Variants in NPAT observed in about 807,000 individuals in gnomAD.
The protein encoded by NPAT is protein NPAT.
In NPAT, 52 loss-of-function variants were observed where a neutral mutation model predicts 130.7. The ratio of observed to expected loss-of-function variants is 0.40; its 90% CI spans 0.32 to 0.50. The LOEUF is 0.50. Ranked by LOEUF, NPAT falls within the 20% of genes least tolerant of loss-of-function variation. NPAT has a pLI of 0.68. For synonymous variants in NPAT, 580 were observed against 584.8 expected, an observed-to-expected ratio of 0.99 and a Z score of 0.12; for missense variants, 1,687 against 1,662.6, an observed-to-expected ratio of 1.01 and a Z score of -0.26.
chr11:108,205,849 C>A (rs1184717425), intron 1 of NPAT, among the ~76,000 whole-genome samples: 1 of 152,032 alleles, frequency 6.6e-6, no homozygotes, highest in Admixed American at 6.6e-5. Flanking sequence ...TTGAGACCAA[C>A]CTGGCCAACA....
chr11:108,219,190 G>C (rs957073762), intron 1 of NPAT, among the ~76,000 whole-genome samples: 1 of 152,166 alleles, frequency 6.6e-6, no homozygotes, highest in Non-Finnish European at 1.5e-5. Context: ...TGGGAGGCTG[G>C]AGGGCAGGAG....
Position 108,161,886 on chromosome 11 carries a change from T to C in NPAT, c.3200A>G (p.Asp1067Gly), listed in dbSNP as rs779134624. The C allele has an allele frequency of 2.5e-6, 4 of 1,614,068 alleles. No individual in the cohort carries two copies. The highest frequency in any genetic ancestry group is 2.2e-5 in the South Asian group (2 of 91,070). Residue 1067 changes from aspartate (D) to glycine (G), a missense_variant, in exon 17 of 18, where the codon GAC becomes GGC. Coordinates refer to ENST00000278612, the MANE Select transcript of NPAT (RefSeq NM_002519.3). ...KPCHRRVLCF[D>G]STTAPVANTQ... ...ATTTGCCACAGGAGCAGTAGTGCTG[T>C]CGAAACAGAGTACACGTCTGTGGCA...
chr11:108,165,472 A>AT (rs377194780), intron 15 of NPAT, among the ~76,000 whole-genome samples: 11,715 of 129,524 alleles, frequency 0.09, 614 homozygotes, highest in Middle Eastern at 0.28. Flanking sequence ...ATATATATAT[A>AT]TTTTTTTTTT....
intron 1 of NPAT, among the ~76,000 whole-genome samples, chr11:108,217,507 GCA>G (rs1565331109): frequency 6.6e-6 from 1 of 152,014 alleles, no homozygotes; most frequent in African/African-American, 2.4e-5. Context: ...GCTTAAAGTT[GCA>G]GTTTTCAAGA....
At chr11:108,175,125 C>A (rs1020551185) in intron 12 of NPAT, among the ~76,000 whole-genome samples, 3 of 152,128 alleles carry the variant, frequency 2.0e-5, no homozygotes, top group African/African-American at 7.2e-5. Context: ...GAGTACAGTA[C>A]AATAAGATAT....
chr11:108,205,528 C>T (rs1341640705), intron 1 of NPAT, among the ~76,000 whole-genome samples: 1 of 152,188 alleles, frequency 6.6e-6, no homozygotes, highest in African/African-American at 2.4e-5. Flanking sequence ...TTGGCCCCCA[C>T]AAAGTGCTGG....
chr11:108,179,782 C>T lies in NPAT; in HGVS notation c.907-2692G>A, dbSNP rs145013763. ...TGGGCAACATAGGGAGACCTCACCT[C>T]TATAAATAGAAATAAATAAATAAAA... On this transcript the variant is annotated intron_variant, in intron 10 of 17. Transcript: ENST00000278612. Among the ~76,000 whole-genome samples the T allele has an allele frequency of 2.7e-3, 405 of 151,890 alleles. 1 individual carries two copies. Among genetic ancestry groups the T allele is most frequent in the African/African-American group, 9.3e-3 (386 of 41,410 alleles).
intron 5 of NPAT, among the ~76,000 whole-genome samples, 193 bp downstream of exon 5, chr11:108,190,267 C>A (rs939427999): frequency 3.2e-5 from 4 of 125,528 alleles, no homozygotes; most frequent in Non-Finnish European, 6.2e-5. Flanking sequence ...GAGCTGAGAT[C>A]GTGCCACTGC....
chr11:108,210,490 T>C (rs1227762846), intron 1 of NPAT, among the ~76,000 whole-genome samples: 1 of 152,198 alleles, frequency 6.6e-6, no homozygotes, highest in South Asian at 2.1e-4. Flanking sequence ...CCATGATTGT[T>C]AAGCTTCCCA....
intron 8 of NPAT, among the ~76,000 whole-genome samples, chr11:108,186,191 A>T (rs1437894154): frequency 6.6e-6 from 1 of 151,718 alleles, no homozygotes; most frequent in Non-Finnish European, 1.5e-5. Context: ...TAATATTTGT[A>T]TTTTTTGTAG....
At position 108,185,237 on chromosome 11, in the gene NPAT, G is replaced by A; in HGVS notation, c.901C>T (p.Leu301Phe). 1.9e-6 allele frequency: 3 copies of A among 1,606,988 alleles called. No individual in the cohort carries two copies. Among genetic ancestry groups the A allele is most frequent in the Non-Finnish European group, 2.6e-6 (3 of 1,174,628 alleles). ...CACACCCCAACCACCCATACCGGAA[G>A]TCCTAGGAATTCATCAATTGAAGTC... The part of the protein sequence containing the change: ...PETSIDEFLG[L>F]PSEIHMSEEA... The change falls in exon 10 of 18, where the codon CTT becomes TTT. Residue 301 changes from leucine to phenylalanine, a missense_variant. Physicochemically the swap from Leu to Phe is conservative, Grantham distance 22. Coordinates refer to ENST00000278612, the MANE Select transcript of NPAT (RefSeq NM_002519.3).
intron 4 of NPAT, 68 bp from the exon 5 acceptor site, chr11:108,190,568 T>C (rs2078159865): frequency 1.4e-6 from 2 of 1,397,108 alleles, no homozygotes; most frequent in Non-Finnish European, 2.0e-6. Context: ...ATGATTTAGT[T>C]ACAGTCAGAC....
intron 1 of NPAT, among the ~76,000 whole-genome samples, chr11:108,200,695 C>A (rs545231071): frequency 6.6e-6 from 1 of 152,290 alleles, no homozygotes; most frequent in South Asian, 2.1e-4. Context: ...AACCCTGCAA[C>A]AGCCCTTGTA....
intron 2 of NPAT, 86 bp downstream of exon 2, chr11:108,197,216 T>A: frequency 1.0e-6 from 1 of 1,004,200 alleles, no homozygotes; most frequent in Non-Finnish European, 1.6e-6. Flanking sequence ...AATTTCAATT[T>A]TTTTTTTCTG....
chr11:108,192,439 C>G (rs1451155667), intron 3 of NPAT, among the ~76,000 whole-genome samples: 1 of 151,868 alleles, frequency 6.6e-6, no homozygotes, highest in African/African-American at 2.4e-5. Context: ...CATTTTTTGG[C>G]CAATAATTTT....
intron 15 of NPAT, among the ~76,000 whole-genome samples, chr11:108,167,659 A>C (rs2077913660): frequency 6.6e-6 from 1 of 152,238 alleles, no homozygotes; most frequent in African/African-American, 2.4e-5. Context: ...GGCTTATTAC[A>C]TACAGGGTGG....
chr11:108,173,832 G>T lies in NPAT; in HGVS notation c.1152C>A (p.Pro384=). ...CATTCTGATAGGATGTACAAAAAGC[G>T]GGCTGACCAGACTGACCATCTGCAA... ...TEESDGQSGQ[P]AFCTSYQNDD... The change falls in exon 13 of 18, where the codon CCC becomes CCA. Residue 384 remains proline, a synonymous_variant. Transcript: ENST00000278612. 6.2e-7 allele frequency: 1 copy of T among 1,614,088 alleles called. No individual in the cohort carries two copies. Among genetic ancestry groups the T allele is most frequent in the South Asian group, 1.1e-5 (1 of 91,084 alleles).
chr11:108,210,481 C>T (rs2078374223), intron 1 of NPAT, among the ~76,000 whole-genome samples: 1 of 152,178 alleles, frequency 6.6e-6, no homozygotes, highest in Non-Finnish European at 1.5e-5. Context: ...CACCTTCTGC[C>T]ATGATTGTTA....
At position 108,160,958 on chromosome 11, in the gene NPAT, A is replaced by C; in HGVS notation, c.4128T>G (p.Asp1376Glu). Reference sequence around the variant, plus strand: ...AAGGACGAGAGTTTCGCTCACGTTCATCTAATTCCTCAATTTTCCGCTTTT... The same window carrying C: ...AAGGACGAGAGTTTCGCTCACGTTCCTCTAATTCCTCAATTTTCCGCTTTT... The part of the protein sequence containing the change: ...TTKKRKIEEL[D>E]ERERNSRPSS... Residue 1376 changes from aspartate (D) to glutamate (E), a missense_variant, in exon 17 of 18, where the codon GAT becomes GAG. Coordinates refer to ENST00000278612, the MANE Select transcript of NPAT (RefSeq NM_002519.3). The C allele has an allele frequency of 6.2e-7, 1 of 1,614,156 alleles. No homozygotes were observed. The highest frequency in any genetic ancestry group is 8.5e-7 in the Non-Finnish European group (1 of 1,180,006).
Sources: allele counts gnomAD v4.1 joint callset (sites outside exome capture counted in the v4.1 genomes callset), GRCh38; gene constraint gnomAD v4.1.1; transcripts MANE v1.5; gene names NCBI Gene and HGNC (gene_info 2026-07-23, HGNC 2026-07-21).